ARMC9: variants seen among roughly 807,000 people sequenced by gnomAD.
ARMC9 encodes the protein armadillo repeat containing 9.
ARMC9 carries 94 observed loss-of-function variants against 107.0 expected under a neutral mutation model. The observed-to-expected ratio is 0.88, with a 90% CI of 0.74 to 1.04. The LOEUF is 1.04. ARMC9 is among the 50% of genes least tolerant of loss of function. ARMC9 has a pLI of 0.00. For synonymous variants in ARMC9, 380 were observed against 396.9 expected, an observed-to-expected ratio of 0.96 and a Z score of 0.51; for missense variants, 942 against 1,030.1, an observed-to-expected ratio of 0.91 and a Z score of 1.17.
intron 19 of ARMC9, among the ~76,000 whole-genome samples, chr2:231,330,692 C>A (rs917605567): frequency 2.0e-5 from 3 of 152,070 alleles, no homozygotes; most frequent in Non-Finnish European, 4.4e-5. Context: ...CTCCTGAGGC[C>A]CTTGCTGGCG....
chr2:231,299,073 A>T (rs2041560181), intron 19 of ARMC9, among the ~76,000 whole-genome samples: 1 of 152,150 alleles, frequency 6.6e-6, no homozygotes, highest in African/African-American at 2.4e-5. Context: ...TCTCAAGAGA[A>T]CCCCTGATGC....
At chr2:231,308,051 G>A (rs2042128310) in intron 19 of ARMC9, among the ~76,000 whole-genome samples, 1 of 152,156 alleles carries the variant, frequency 6.6e-6, no homozygotes. Flanking sequence ...GGATGAATTG[G>A]AGCCAGACAG....
Position 231,374,258 on chromosome 2 carries a change from G to A in ARMC9, c.*2723G>A, listed in dbSNP as rs2046128476. 6.6e-6 allele frequency: 1 copy of A among 152,186 alleles called. No individual in the cohort carries two copies. The highest frequency in any genetic ancestry group is 2.4e-5 in the African/African-American group (1 of 41,442). 9.4% of individuals were successfully genotyped at this position (152,186 alleles called of 1,614,324 possible). The stretch of plus-strand genomic sequence containing the variant: ...TGAAAACTACCAAGGAAGCCACAGA[G>A]AGGGATCTTTGGACCTTCTGGAAAA... On this transcript the variant is annotated 3_prime_UTR_variant, in exon 25 of 25. Coordinates refer to ENST00000611582, the MANE Select transcript of ARMC9 (RefSeq NM_001352754.2).
chr2:231,354,751 G>A (rs950285211), intron 21 of ARMC9, among the ~76,000 whole-genome samples: 2 of 152,174 alleles, frequency 1.3e-5, no homozygotes, highest in Non-Finnish European at 2.9e-5. Flanking sequence ...TGAGCTTGTC[G>A]TGTGTTCCCC....
chr2:231,342,770 G>A (rs925269326), intron 20 of ARMC9, among the ~76,000 whole-genome samples: 5 of 152,088 alleles, frequency 3.3e-5, no homozygotes, highest in African/African-American at 1.2e-4. Context: ...AAAAGGCGAC[G>A]CAACTGCATT....
chr2:231,331,997 G>GTT (rs1327639559), intron 20 of ARMC9, 100 bp downstream of exon 20: 6 of 986,374 alleles, frequency 6.1e-6, no homozygotes, highest in Non-Finnish European at 9.3e-6. Context: ...AGTTTGGTTT[G>GTT]TTACCATACT....
At chr2:231,269,919 A>T (rs1283137871) in intron 12 of ARMC9, among the ~76,000 whole-genome samples, 2 of 116,626 alleles carry the variant, frequency 1.7e-5, no homozygotes. Flanking sequence ...CTTTTCTCAG[A>T]TGTCTGCTAG....
intron 13 of ARMC9, among the ~76,000 whole-genome samples, chr2:231,271,474 A>C (rs2039324230): frequency 6.6e-6 from 1 of 152,232 alleles, no homozygotes; most frequent in Non-Finnish European, 1.5e-5. Flanking sequence ...ACACTGCACC[A>C]TTTCCTTCAG....
At chr2:231,272,529 T>C (rs1438778564) in intron 13 of ARMC9, among the ~76,000 whole-genome samples, 2 of 151,320 alleles carry the variant, frequency 1.3e-5, no homozygotes, top group Non-Finnish European at 1.5e-5. Context: ...TTTGTTTGTT[T>C]GTTTTGAGAT....
At chr2:231,263,282 G>A (rs1225746110) in intron 12 of ARMC9, among the ~76,000 whole-genome samples, 1 of 152,166 alleles carries the variant, frequency 6.6e-6, no homozygotes, top group Non-Finnish European at 1.5e-5. Flanking sequence ...GCCATTTCCT[G>A]CTGCTGTAAC....
At chr2:231,219,941 C>G (rs551371709) in intron 5 of ARMC9, among the ~76,000 whole-genome samples, 1 of 152,238 alleles carries the variant, frequency 6.6e-6, no homozygotes, top group East Asian at 1.9e-4. Context: ...AGTGATCTTC[C>G]CACTTCAGCC....
chr2:231,301,913 A>T (rs2041754363), intron 19 of ARMC9, among the ~76,000 whole-genome samples: 1 of 152,058 alleles, frequency 6.6e-6, no homozygotes, highest in South Asian at 2.1e-4. Flanking sequence ...CGGGAGGTGG[A>T]GGTTGCAGTG....
chr2:231,339,307 C>T (rs1005850831), intron 20 of ARMC9, among the ~76,000 whole-genome samples: 5 of 145,616 alleles, frequency 3.4e-5, no homozygotes, highest in Non-Finnish European at 4.5e-5. Flanking sequence ...TAGCTCTGGG[C>T]GACAGAGCAA....
intron 17 of ARMC9, among the ~76,000 whole-genome samples, chr2:231,289,419 A>G (rs1281900639): frequency 6.6e-6 from 1 of 152,220 alleles, no homozygotes; most frequent in Non-Finnish European, 1.5e-5. Flanking sequence ...GTGATCAGAG[A>G]TCGTGCCACT....
chr2:231,233,130 C>T (rs1241715142), intron 7 of ARMC9, among the ~76,000 whole-genome samples: 4 of 152,100 alleles, frequency 2.6e-5, no homozygotes, highest in Non-Finnish European at 4.4e-5. Context: ...GGATTACAGG[C>T]GTGAGCCACC....
intron 22 of ARMC9, among the ~76,000 whole-genome samples, chr2:231,356,471 T>G (rs1046803666): frequency 6.6e-6 from 1 of 152,232 alleles, no homozygotes; most frequent in Non-Finnish European, 1.5e-5. Context: ...ACAAAGTATT[T>G]TTTTTAATTT....
chr2:231,261,614 A>G (rs1412219514), intron 11 of ARMC9, among the ~76,000 whole-genome samples: 1 of 151,762 alleles, frequency 6.6e-6, no homozygotes, highest in Non-Finnish European at 1.5e-5. Context: ...CCTATCCCCC[A>G]CTGTGCTCAT....
At chr2:231,318,113 G>A (rs2042804886) in intron 19 of ARMC9, among the ~76,000 whole-genome samples, 1 of 151,798 alleles carries the variant, frequency 6.6e-6, no homozygotes, top group Non-Finnish European at 1.5e-5. Context: ...GTGTTGTCGT[G>A]ATTCTAGATT....
chr2:231,260,791 C>A (rs1307476535), intron 11 of ARMC9, among the ~76,000 whole-genome samples: 1 of 152,188 alleles, frequency 6.6e-6, no homozygotes, highest in Non-Finnish European at 1.5e-5. Context: ...CCGTGCTACT[C>A]CTGAGCCTCT....
Sources: gnomAD v4.1 joint callset for allele counts (sites outside exome capture counted in the v4.1 genomes callset) on GRCh38, gnomAD v4.1.1 for gene constraint, MANE v1.5 for transcripts, NCBI Gene and HGNC (gene_info 2026-07-23, HGNC 2026-07-21) for gene names.